The following ADGRL2 variants were observed in gnomAD, a reference collection of about 807,000 sequenced individuals.
ADGRL2 encodes the protein adhesion G protein-coupled receptor L2.
Under a neutral mutation model 157.4 loss-of-function variants are expected in ADGRL2, and 44 were observed. That is an observed-to-expected ratio of 0.28 (90% CI 0.22 to 0.36). The LOEUF (loss-of-function observed/expected upper bound fraction) is 0.36, where lower values mean the gene tolerates loss of function less well. Ranked by LOEUF, ADGRL2 falls within the 10% of genes least tolerant of loss-of-function variation. The pLI is 1.00. For missense variants in ADGRL2, 1,510 were observed against 1,768.9 expected (o/e 0.85, Z 2.63); for synonymous variants, 585 against 624.7 (o/e 0.94, Z 0.95).
Position 81,452,236 on chromosome 1 carries a change from GC to G in ADGRL2, c.-248+7148del, listed in dbSNP as rs368374997. On this transcript the variant is annotated intron_variant, in intron 2 of 24. Transcript: ENST00000370721. ...GACTTTACTCTTAAATAATTACTAT[GC>G]ATCTCATTTCTTCCACCTATTAAAA... Among the ~76,000 whole-genome samples, 97 of 152,210 alleles carry G rather than the reference GC, an allele frequency of 6.4e-4. No individual in the cohort carries two copies. The Middle Eastern group carries it at 0.017, about 27-fold the overall frequency.
At chr1:81,655,290 G>A (rs1391335305) in intron 3 of ADGRL2, among the ~76,000 whole-genome samples, 6 of 152,112 alleles carry the variant, frequency 3.9e-5, no homozygotes, top group South Asian at 2.1e-4. Flanking sequence ...GTGAGCCACC[G>A]TGCCCGGCCT....
At chr1:81,857,719 A>G (rs1394289469) in intron 2 of ADGRL2, among the ~76,000 whole-genome samples, 1 of 152,206 alleles carries the variant, frequency 6.6e-6, no homozygotes, top group Non-Finnish European at 1.5e-5. Context: ...ATTTGAATAT[A>G]ACACTTCTTA....
intron 3 of ADGRL2, among the ~76,000 whole-genome samples, chr1:81,616,537 A>G (rs955472283): frequency 1.3e-5 from 2 of 151,874 alleles, no homozygotes; most frequent in Non-Finnish European, 2.9e-5. Context: ...GTTAAGGCCA[A>G]TTTGCCTCAA....
At position 81,966,437 on chromosome 1, in the gene ADGRL2, G is replaced by C. The variant is rs767760729; in HGVS notation, c.2177G>C (p.Ser726Thr). 1 of 1,614,046 alleles carries C rather than the reference G, an allele frequency of 6.2e-7. No homozygotes were observed. Among genetic ancestry groups the C allele is most frequent in the South Asian group, 1.1e-5 (1 of 91,076 alleles). Residue 726 changes from serine (S) to threonine (T), a missense_variant, in exon 13 of 24, where the codon AGC (serine) becomes ACC (threonine). By Grantham distance (58) the Ser-to-Thr change is moderately conservative (BLOSUM62 1). Around this residue, in one of 4 missense-constraint regions of ADGRL2, gnomAD observed 497 missense variants for 627.2 expected, o/e 0.79. Transcript: ENST00000686636. ...LAKLVFIIYRSLGQFLSTENA... is the reference protein window; with the variant it reads ...LAKLVFIIYRTLGQFLSTENA... The stretch of plus-strand genomic sequence containing the variant: ...AAGTTGGTGTTCATCATTTACCGGA[G>C]CCTGGGACAGTTCCTTAGTACAGAA...
At chr1:81,541,488 A>G (rs928027853) in intron 2 of ADGRL2, among the ~76,000 whole-genome samples, 1 of 152,100 alleles carries the variant, frequency 6.6e-6, no homozygotes, top group Non-Finnish European at 1.5e-5. Context: ...TCACCTTTTC[A>G]CACACCCACA....
intron 6 of ADGRL2, among the ~76,000 whole-genome samples, chr1:81,949,594 T>C (rs1236367572): frequency 6.6e-6 from 1 of 152,208 alleles, no homozygotes; most frequent in African/African-American, 2.4e-5. Context: ...CTGAGATGTT[T>C]CCTTAATAAA....
chr1:81,372,092 A>G (rs956339679), intron 1 of ADGRL2, among the ~76,000 whole-genome samples: 2 of 152,188 alleles, frequency 1.3e-5, no homozygotes, highest in African/African-American at 4.8e-5. Context: ...AAAGCGAAAC[A>G]AACAACCTAT....
intron 2 of ADGRL2, among the ~76,000 whole-genome samples, chr1:81,901,039 C>T (rs1035688758): frequency 5.3e-5 from 8 of 152,294 alleles, no homozygotes; most frequent in Middle Eastern, 3.4e-3. Flanking sequence ...ACCACGACAG[C>T]AGCAGCAATT....
rs377756548 is a variant in ADGRL2 at position 81,324,862 on chromosome 1, G to A, written c.-302+18353G>A. 8.8e-4 allele frequency among the ~76,000 whole-genome samples: 133 copies of A among 151,990 alleles called. 1 individual carries two copies. In the South Asian group the frequency reaches 0.024, roughly 28 times the overall value. On this transcript the variant is annotated intron_variant, in intron 1 of 24. Transcript: ENST00000370721. ...CTCCCAGGTAGCTGGGATTGCAGGC[G>A]CCCACCACCACACCCAGCTAATTTT...
chr1:81,708,361 C>G (rs2083811301), intron 1 of ADGRL2, among the ~76,000 whole-genome samples: 1 of 152,160 alleles, frequency 6.6e-6, no homozygotes, highest in Non-Finnish European at 1.5e-5. Flanking sequence ...TCCAATCACT[C>G]AGAAAAATGT....
chr1:81,735,190 A>AC (rs993654461), intron 1 of ADGRL2: 1 of 144,242 alleles, frequency 6.9e-6, no homozygotes, highest in Non-Finnish European at 1.5e-5. Flanking sequence ...AGGATTGCTA[A>AC]CAGCTGTACA....
At chr1:81,978,433 T>C (rs1163776975) in intron 17 of ADGRL2, among the ~76,000 whole-genome samples, 1 of 151,818 alleles carries the variant, frequency 6.6e-6, no homozygotes, top group Non-Finnish European at 1.5e-5. Context: ...AAATTTTTTT[T>C]AAACAAAGCA....
At chr1:81,691,711 C>T (rs1320359329) in intron 3 of ADGRL2, among the ~76,000 whole-genome samples, 1 of 151,646 alleles carries the variant, frequency 6.6e-6, no homozygotes, top group East Asian at 2.0e-4. Flanking sequence ...GTTGGTCAGG[C>T]TGGTCTTGAG....
chr1:81,817,940 G>A (rs1409107560), intron 1 of ADGRL2, among the ~76,000 whole-genome samples: 1 of 152,096 alleles, frequency 6.6e-6, no homozygotes, highest in East Asian at 1.9e-4. Flanking sequence ...GAAGTGGTAG[G>A]ATAACTTGAG....
intron 1 of ADGRL2, among the ~76,000 whole-genome samples, chr1:81,399,242 A>G (rs1415554826): frequency 6.6e-6 from 1 of 152,226 alleles, no homozygotes; most frequent in Non-Finnish European, 1.5e-5. Context: ...CTGTGATCCA[A>G]TCACCTCCCA....
At chr1:81,887,779 A>C (rs142078195) in intron 2 of ADGRL2, among the ~76,000 whole-genome samples, 1 of 152,346 alleles carries the variant, frequency 6.6e-6, no homozygotes, top group East Asian at 1.9e-4. Flanking sequence ...ACTAATACCT[A>C]TATAAATTGT....
rs772334048 is a variant in ADGRL2, at chr1:81,936,719, G to A, written c.288-9G>A. On this transcript the variant is annotated splice_polypyrimidine_tract_variant and intron_variant, in intron 3 of 23. Coordinates refer to ENST00000686636, the MANE Select transcript of ADGRL2 (RefSeq NM_001366006.2). Reference sequence around the variant, plus strand: ...ATGTTACACAAGTTTGATACATTTTGTTTTTCAGGTGCAACAATCGAACAC... The same window carrying A: ...ATGTTACACAAGTTTGATACATTTTATTTTTCAGGTGCAACAATCGAACAC... The A allele has an allele frequency of 1.2e-5, 17 of 1,459,234 alleles. No individual in the cohort carries two copies. Among genetic ancestry groups the A allele is most frequent in the Admixed American group, 1.7e-5 (1 of 58,660 alleles). 90.4% of individuals were successfully genotyped at this position (1,459,234 alleles called of 1,614,324 possible). A position where few individuals can be genotyped will look rare whatever the true frequency, so the allele number is the denominator to read the frequency against.
chr1:81,567,388 A>G (rs751269035), intron 2 of ADGRL2, among the ~76,000 whole-genome samples: 2 of 152,128 alleles, frequency 1.3e-5, no homozygotes, highest in African/African-American at 2.4e-5. Flanking sequence ...AGAAAGTTAT[A>G]TTGTACAGCA....
intron 2 of ADGRL2, among the ~76,000 whole-genome samples, chr1:81,482,838 T>C (rs1467809479): frequency 6.6e-6 from 1 of 151,260 alleles, no homozygotes; most frequent in African/African-American, 2.4e-5. Context: ...GAATTATACA[T>C]ATATTTTATA....
Sources: gnomAD v4.1 joint callset for allele counts (sites outside exome capture counted in the v4.1 genomes callset) on GRCh38, gnomAD v4.1.1 for gene constraint, gnomAD v4.1.1 regional missense constraint, MANE v1.5 for transcripts, NCBI Gene and HGNC (gene_info 2026-07-23, HGNC 2026-07-21) for gene names.